The following PIP5K1A variants were observed in gnomAD, a reference collection of about 807,000 sequenced individuals.
The protein encoded by PIP5K1A is phosphatidylinositol 4-phosphate 5-kinase type-1 alpha.
Under a neutral mutation model 72.9 loss-of-function variants are expected in PIP5K1A, and 46 were observed. That is an observed-to-expected ratio of 0.63 (90% CI 0.50 to 0.81). The LOEUF (loss-of-function observed/expected upper bound fraction) is 0.81, where lower values mean the gene tolerates loss of function less well. Among genes scored for constraint, PIP5K1A ranks in the 30% least tolerant of loss-of-function variants. The pLI is 0.00. For synonymous variants in PIP5K1A, 228 were observed against 255.1 expected, an observed-to-expected ratio of 0.89 and a Z score of 1.01; for missense variants, 458 against 706.1, an observed-to-expected ratio of 0.65 and a Z score of 3.98.
At chr1:151,232,747 GGGCAA>G (rs1389431928) in intron 7 of PIP5K1A, 44 bp downstream of exon 7, 1 of 1,563,936 alleles carries the variant, frequency 6.4e-7, no homozygotes, top group East Asian at 2.2e-5. Context: ...GCTCACTTCT[GGGCAA>G]GGCTGGGGAG....
chr1:151,210,641 G>A (rs1402547334), intron 1 of PIP5K1A, among the ~76,000 whole-genome samples: 2 of 152,102 alleles, frequency 1.3e-5, no homozygotes, highest in Non-Finnish European at 2.9e-5. Context: ...CTGGAGTGTA[G>A]TGGCATGATC....
chr1:151,221,932 G>A (rs984652924), intron 1 of PIP5K1A, among the ~76,000 whole-genome samples: 1 of 151,800 alleles, frequency 6.6e-6, no homozygotes, highest in African/African-American at 2.4e-5. Flanking sequence ...AGCAAAAAAA[G>A]CAAAATCAGC....
chr1:151,210,400 C>G (rs76061334), intron 1 of PIP5K1A, among the ~76,000 whole-genome samples: 1 of 150,510 alleles, frequency 6.6e-6, no homozygotes, highest in African/African-American at 2.4e-5. Context: ...ATTGCTCAGT[C>G]GATCTCAAAC....
chr1:151,218,025 C>A (rs973002759), intron 1 of PIP5K1A, among the ~76,000 whole-genome samples: 1 of 152,150 alleles, frequency 6.6e-6, no homozygotes, highest in Non-Finnish European at 1.5e-5. Context: ...ATCCACTGCC[C>A]ACCTTGGCCT....
intron 8 of PIP5K1A, among the ~76,000 whole-genome samples, chr1:151,235,614 C>T (rs587733350): frequency 6.6e-6 from 1 of 152,298 alleles, no homozygotes; most frequent in East Asian, 1.9e-4. Context: ...CATACAAGGT[C>T]CTACCACAGA....
In PIP5K1A at chr1:151,224,405, T is replaced by C; in HGVS notation, c.155T>C (p.Leu52Ser). ...LEARQDSYIS[L>S]VPYASGMPIK... ...GCTAGACAGGATTCTTACATCTCAT[T>C]GGTAGGCTAGAAATTATGCAACTCA... is the stretch of plus-strand genomic sequence containing the variant. Residue 52 changes from leucine to serine, a missense_variant and splice_region_variant, in exon 3 of 16, where the codon TTG becomes TCG. By Grantham distance (145) the Leu-to-Ser change is moderately radical (BLOSUM62 -2). This residue lies in a region of PIP5K1A where 81 missense variants were observed against 88.0 expected (regional missense o/e 0.92). Transcript: ENST00000368888. 1 of 1,589,014 alleles carries C rather than the reference T, an allele frequency of 6.3e-7. No homozygotes were observed. The highest frequency in any genetic ancestry group is 2.2e-5 in the East Asian group (1 of 44,748).
Position 151,205,870 on chromosome 1 carries a change from C to G in PIP5K1A, c.85+6789C>G, listed in dbSNP as rs188547026. ...CTTCTTTTTACTGGGTTTCCTTGAT[C>G]AAGGACAAAAGTGTACTTCAAGAAT... On this transcript the variant is annotated intron_variant, in intron 1 of 15. Transcript: ENST00000368888. Among the ~76,000 whole-genome samples the G allele has an allele frequency of 1.6e-3, 238 of 152,198 alleles. 1 individual carries two copies. The highest frequency in any genetic ancestry group is 5.6e-3 in the African/African-American group (232 of 41,540).
chr1:151,209,896 C>T (rs932204104), intron 1 of PIP5K1A, among the ~76,000 whole-genome samples: 1 of 151,552 alleles, frequency 6.6e-6, no homozygotes, highest in Middle Eastern at 3.4e-3. Context: ...TTTCTTTTTT[C>T]TGAGATGGAG....
At chr1:151,218,632 G>A (rs1045720466) in intron 1 of PIP5K1A, among the ~76,000 whole-genome samples, 8 of 151,700 alleles carry the variant, frequency 5.3e-5, no homozygotes, top group Admixed American at 1.3e-4. Flanking sequence ...TCAAGAGATC[G>A]AGACCATCCT....
chr1:151,242,030 G>A, intron 12 of PIP5K1A, 93 bp from the exon 13 acceptor site: 1 of 1,279,066 alleles, frequency 7.8e-7, no homozygotes, highest in Admixed American at 1.8e-5. Context: ...AACTTTGGGT[G>A]TGTGTTGGGG....
intron 1 of PIP5K1A, 104 bp downstream of exon 1, chr1:151,199,185 C>T (rs1684844889): frequency 3.2e-6 from 5 of 1,580,036 alleles, no homozygotes; most frequent in South Asian, 2.2e-5. Flanking sequence ...CTACGTGTTA[C>T]CGGTAAGTGG....
chr1:151,244,302 CTA>C (rs1692181444), intron 14 of PIP5K1A, among the ~76,000 whole-genome samples: 1 of 151,824 alleles, frequency 6.6e-6, no homozygotes, highest in African/African-American at 2.4e-5. Flanking sequence ...AGTATAACAA[CTA>C]TTTACATAGC....
chr1:151,235,316 C>T (rs1289514112), intron 8 of PIP5K1A, among the ~76,000 whole-genome samples: 1 of 152,182 alleles, frequency 6.6e-6, no homozygotes, highest in Non-Finnish European at 1.5e-5. Flanking sequence ...CTCCTGACCT[C>T]AAATGATCTG....
chr1:151,242,477 C>A lies in PIP5K1A; in HGVS notation c.1550C>A (p.Pro517Gln). Reference protein sequence around the residue: ...LGRPDVLPQTPPLEEISEGSP... With the variant: ...LGRPDVLPQTQPLEEISEGSP... Reference sequence around the variant, plus strand: ...CGTCCTGATGTTTTACCTCAGACTCCACCTTTGGAGGAAATCAGTGAGGGC... The same window carrying A: ...CGTCCTGATGTTTTACCTCAGACTCAACCTTTGGAGGAAATCAGTGAGGGC... The change falls in exon 14 of 16, where the codon CCA becomes CAA. Residue 517 changes from proline (P) to glutamine (Q), a missense_variant. This residue lies in a region of PIP5K1A where 157 missense variants were observed against 175.5 expected (regional missense o/e 0.89). Transcript: ENST00000368888. 6.2e-7 allele frequency: 1 copy of A among 1,613,980 alleles called. No individual in the cohort carries two copies. The highest frequency in any genetic ancestry group is 8.5e-7 in the Non-Finnish European group (1 of 1,179,872).
At chr1:151,240,071 C>G (rs896967194) in intron 12 of PIP5K1A, 32 bp downstream of exon 12, 1 of 1,483,480 alleles carries the variant, frequency 6.7e-7, no homozygotes, top group African/African-American at 1.4e-5. Context: ...ACTGCCTACT[C>G]CTGCCCAGTG....
rs587733498 is a variant in PIP5K1A at position 151,248,711 on chromosome 1, A to G, written c.*846A>G. 1 of 152,766 alleles carries G rather than the reference A, an allele frequency of 6.5e-6. No homozygotes were observed. Among genetic ancestry groups the G allele is most frequent in the East Asian group, 1.9e-4 (1 of 5,190 alleles). The allele number at this position is 152,766 out of a possible 1,614,324, so 9.5% of individuals were successfully genotyped here. The stretch of plus-strand genomic sequence containing the variant: ...CCTAGGCAGAATCCTGTTCACTGCC[A>G]GGCTATAGTAATTATTACTATTTTG... On this transcript the variant is annotated 3_prime_UTR_variant, in exon 16 of 16. Transcript: ENST00000368888.
chr1:151,239,136 T>C lies in PIP5K1A; in HGVS notation c.1236T>C (p.Val412=), dbSNP rs1375634072. 1 of 1,610,394 alleles carries C rather than the reference T, an allele frequency of 6.2e-7. No individual in the cohort carries two copies. The highest frequency in any genetic ancestry group is 1.3e-5 in the African/African-American group (1 of 74,830). Residue 412 remains valine (V), a synonymous_variant, in exon 11 of 16, where the codon GTT becomes GTC. Coordinates refer to ENST00000368888, the MANE Select transcript of PIP5K1A (RefSeq NM_001135638.2). ...ATGTACATTTTTCTTGCAGGTTTGT[T>C]AAGAAGTTGGAGCACTCTTGGAAAG... ...IIDILQSYRF[V]KKLEHSWKAL...
intron 12 of PIP5K1A, 93 bp from the exon 13 acceptor site, chr1:151,242,030 G>T: frequency 1.6e-6 from 2 of 1,279,066 alleles, no homozygotes; most frequent in Non-Finnish European, 2.2e-6. Flanking sequence ...AACTTTGGGT[G>T]TGTGTTGGGG....
chr1:151,225,525 A>G (rs1688988750), intron 3 of PIP5K1A, among the ~76,000 whole-genome samples: 1 of 150,516 alleles, frequency 6.6e-6, no homozygotes, highest in Non-Finnish European at 1.5e-5. Context: ...TATGGAGTAC[A>G]GTGGCTCGAT....
Sources: gnomAD v4.1 joint callset for allele counts (sites outside exome capture counted in the v4.1 genomes callset) on GRCh38, gnomAD v4.1.1 for gene constraint, gnomAD v4.1.1 regional missense constraint, MANE v1.5 for transcripts, NCBI Gene and HGNC (gene_info 2026-07-23, HGNC 2026-07-21) for gene names.